Variants in PLPP4 observed in about 807,000 individuals in gnomAD.
PLPP4 encodes diacylglycerol pyrophosphate like 2.
A neutral mutation model predicts 32.2 loss-of-function variants in PLPP4; 20 were observed. The ratio of observed to expected loss-of-function variants is 0.62; its 90% CI spans 0.44 to 0.90. The LOEUF (loss-of-function observed/expected upper bound fraction) is 0.90, where lower values mean the gene tolerates loss of function less well. Ranked by LOEUF, PLPP4 falls within the 40% of genes least tolerant of loss-of-function variation. PLPP4 has a pLI of 0.00. For missense variants in PLPP4, 257 were observed against 353.1 expected (o/e 0.73, Z 2.18); for synonymous variants, 127 against 133.0 (o/e 0.95, Z 0.31).
chr10:120,495,898 A>G (rs1844940774), intron 1 of PLPP4, among the ~76,000 whole-genome samples: 1 of 152,114 alleles, frequency 6.6e-6, no homozygotes, highest in Non-Finnish European at 1.5e-5. Context: ...CTAACTTATT[A>G]CTGAACAGAA....
intron 5 of PLPP4, among the ~76,000 whole-genome samples, chr10:120,560,135 G>A (rs1364809728): frequency 6.6e-6 from 1 of 152,186 alleles, no homozygotes; most frequent in Non-Finnish European, 1.5e-5. Context: ...TTGGTGCAAT[G>A]TTGTAAACCT....
chr10:120,527,854 G>A (rs1466987894), intron 5 of PLPP4, among the ~76,000 whole-genome samples: 1 of 152,122 alleles, frequency 6.6e-6, no homozygotes, highest in Non-Finnish European at 1.5e-5. Context: ...ATGATAGCAT[G>A]CATCTATGCC....
chr10:120,561,584 T>C (rs11199404), intron 5 of PLPP4, among the ~76,000 whole-genome samples: 6,749 of 152,282 alleles, frequency 0.044, 249 homozygotes, highest in South Asian at 0.2. Flanking sequence ...ACAAATCTCC[T>C]TGGATAGATT....
intron 2 of PLPP4, among the ~76,000 whole-genome samples, chr10:120,505,692 T>C (rs1845459300): frequency 6.6e-6 from 1 of 152,226 alleles, no homozygotes; most frequent in South Asian, 2.1e-4. Flanking sequence ...ACTGGATTTT[T>C]ATAAATCTTA....
intron 1 of PLPP4, chr10:120,503,442 TATGTTCC>T: frequency 1.8e-6 from 2 of 1,087,076 alleles, no homozygotes; most frequent in Non-Finnish European, 2.7e-6. Context: ...CTCCCTCCCT[TATGTTCC>T]ACCTCAAACC....
chr10:120,541,196 C>T (rs1292645319), intron 5 of PLPP4, among the ~76,000 whole-genome samples: 1 of 152,098 alleles, frequency 6.6e-6, no homozygotes, highest in Non-Finnish European at 1.5e-5. Flanking sequence ...TCAGACAGAC[C>T]TGAGTTTGAC....
At chr10:120,563,644 C>T (rs1848538709) in intron 5 of PLPP4, among the ~76,000 whole-genome samples, 1 of 148,312 alleles carries the variant, frequency 6.7e-6, no homozygotes, top group East Asian at 2.0e-4. Flanking sequence ...ACTAAAAATA[C>T]AAAAAATTAG....
intron 1 of PLPP4, among the ~76,000 whole-genome samples, chr10:120,470,548 C>G (rs1208718606): frequency 6.6e-6 from 1 of 152,086 alleles, no homozygotes; most frequent in Non-Finnish European, 1.5e-5. Context: ...GTATTTTACA[C>G]TTTTGTTCTT....
At chr10:120,474,592 C>T (rs2133801600) in intron 1 of PLPP4, among the ~76,000 whole-genome samples, 1 of 152,174 alleles carries the variant, frequency 6.6e-6, no homozygotes, top group South Asian at 2.1e-4. Flanking sequence ...ATAATGAGAA[C>T]ATATTAAATT....
chr10:120,524,851 C>A (rs2133918937), intron 5 of PLPP4, among the ~76,000 whole-genome samples: 1 of 152,302 alleles, frequency 6.6e-6, no homozygotes, highest in Admixed American at 6.5e-5. Context: ...CAGGGATATT[C>A]TGAAAAGAGA....
intron 1 of PLPP4, among the ~76,000 whole-genome samples, chr10:120,495,249 AC>A (rs1844908603): frequency 6.6e-6 from 1 of 152,176 alleles, no homozygotes; most frequent in African/African-American, 2.4e-5. Context: ...CAATATCATA[AC>A]TAACTATGAT....
intron 5 of PLPP4, among the ~76,000 whole-genome samples, chr10:120,551,296 C>A: frequency 6.6e-6 from 1 of 152,162 alleles, no homozygotes; most frequent in Non-Finnish European, 1.5e-5. Flanking sequence ...TAAATTGTTA[C>A]TGCCACTTTG....
chr10:120,575,174 C>T lies in PLPP4; in HGVS notation c.489C>T (p.Gly163=), dbSNP rs371267002. ...GLGFTTFYLA[G]KLHCFTESGR... ...GCTTCACGACGTTCTACTTGGCGGG[C>T]AAGCTGCACTGCTTCACCGAGAGTG... The change falls in exon 6 of 7, where the codon GGC becomes GGT. Residue 163 remains glycine, a synonymous_variant. Coordinates refer to ENST00000398250, the MANE Select transcript of PLPP4 (RefSeq NM_001030059.3). 1.1e-4 allele frequency: 170 copies of T among 1,613,758 alleles called. No individual in the cohort carries two copies. The highest frequency in any genetic ancestry group is 4.9e-4 in the Middle Eastern group (3 of 6,082).
rs1200098272 is a variant in PLPP4, at chr10:120,467,729, A to AT, written c.56+10369dup. On this transcript the variant is annotated intron_variant, in intron 1 of 6. Coordinates refer to ENST00000398250, the MANE Select transcript of PLPP4 (RefSeq NM_001030059.3). Reference sequence around the variant, plus strand: ...TAAACTGACACACTTTAAATCCGTGATATTTTTATGTTAACTTTTATTTTA... The same window carrying AT: ...TAAACTGACACACTTTAAATCCGTGATTATTTTTATGTTAACTTTTATTTTA... Among the ~76,000 whole-genome samples the AT allele has an allele frequency of 4.0e-3, 258 of 64,604 alleles. 73 individuals are homozygous for AT. The highest frequency in any genetic ancestry group is 8.3e-3 in the African/African-American group (251 of 30,194). 42.4% of individuals were successfully genotyped at this position (64,604 alleles called of 152,430 possible). A position where few individuals can be genotyped will look rare whatever the true frequency, so the allele number is the denominator to read the frequency against.
In PLPP4 at chr10:120,503,575, C is replaced by T. The variant is rs776642096; in HGVS notation, c.57-243C>T. On this transcript the variant is annotated intron_variant, in intron 1 of 6. Transcript: ENST00000398250. ...AGTCTTTGTACACACAAAGCTACTC[C>T]CTTATGCATGGAATTGGTCCTTCTG... 19 of 1,608,990 alleles carry T rather than the reference C, an allele frequency of 1.2e-5. No homozygotes were observed. The African/African-American group carries it at 1.3e-4, about 11-fold the overall frequency.
chr10:120,543,319 G>A (rs558518656), intron 5 of PLPP4, among the ~76,000 whole-genome samples: 1 of 152,308 alleles, frequency 6.6e-6, no homozygotes, highest in East Asian at 1.9e-4. Context: ...GAGGGACAGA[G>A]CCCAGGCACC....
At chr10:120,507,896 A>G (rs1360785053) in intron 2 of PLPP4, among the ~76,000 whole-genome samples, 1 of 152,246 alleles carries the variant, frequency 6.6e-6, no homozygotes, top group Non-Finnish European at 1.5e-5. Context: ...GGGCACAGAC[A>G]TGAACACAAG....
At position 120,487,655 on chromosome 10, in the gene PLPP4, C is replaced by T. The variant is rs562250568; in HGVS notation, c.57-16163C>T. On this transcript the variant is annotated intron_variant, in intron 1 of 6. Coordinates refer to ENST00000398250, the MANE Select transcript of PLPP4 (RefSeq NM_001030059.3). ...AATGTATGTTAAGTGTATAATTCAGCACCTGGAATGTAGAAGGGGTGCTGA... is the reference window on the plus strand; with the variant it reads ...AATGTATGTTAAGTGTATAATTCAGTACCTGGAATGTAGAAGGGGTGCTGA... Among the ~76,000 whole-genome samples the T allele has an allele frequency of 3.2e-3, 487 of 152,200 alleles. 2 individuals carry two copies. Among genetic ancestry groups the T allele is most frequent in the African/African-American group, 0.011 (469 of 41,522 alleles).
At chr10:120,520,669 G>C (rs1326494021) in intron 4 of PLPP4, among the ~76,000 whole-genome samples, 1 of 152,150 alleles carries the variant, frequency 6.6e-6, no homozygotes, top group East Asian at 1.9e-4. Flanking sequence ...TCAGCTTTGG[G>C]TCAGTATTGA....
Sources: gnomAD v4.1 joint callset for allele counts (sites outside exome capture counted in the v4.1 genomes callset) on GRCh38, gnomAD v4.1.1 for gene constraint, MANE v1.5 for transcripts, NCBI Gene and HGNC (gene_info 2026-07-23, HGNC 2026-07-21) for gene names.